The following MROH2A variants were observed in gnomAD, a reference collection of about 807,000 sequenced individuals.
The protein encoded by MROH2A is maestro heat-like repeat-containing protein family member 2A.
A neutral mutation model predicts 200.4 loss-of-function variants in MROH2A; 174 were observed. The observed-to-expected ratio is 0.87, with a 90% confidence interval of 0.77 to 0.98. The LOEUF (loss-of-function observed/expected upper bound fraction) is 0.98, where lower values mean the gene tolerates loss of function less well. MROH2A is among the 50% of genes least tolerant of loss of function. The pLI is 0.00. For missense variants in MROH2A, 2,045 were observed against 2,139.6 expected (o/e 0.96, Z 0.87); for synonymous variants, 829 against 840.4 (o/e 0.99, Z 0.23).
intron 26 of MROH2A, among the ~76,000 whole-genome samples, 151 bp downstream of exon 26, chr2:233,814,828 A>G (rs183613854): frequency 3.0e-4 from 45 of 152,344 alleles, no homozygotes; most frequent in African/African-American, 1.0e-3. Context: ...AAAAATTTGC[A>G]AGGATAGTGC....
At chr2:233,824,290 T>A (rs1164122378) in intron 35 of MROH2A, among the ~76,000 whole-genome samples, 1 of 151,962 alleles carries the variant, frequency 6.6e-6, no homozygotes, top group Non-Finnish European at 1.5e-5. Flanking sequence ...TGCCATAGAA[T>A]TTTCTTTTCT....
chr2:233,819,616 T>A, intron 30 of MROH2A, 147 bp downstream of exon 30: 1 of 941,200 alleles, frequency 1.1e-6, no homozygotes, highest in Middle Eastern at 3.4e-4. Context: ...GGAAACAGAG[T>A]TCTAGAGCTA....
At chr2:233,780,214 G>A (rs1700884106) in intron 3 of MROH2A, among the ~76,000 whole-genome samples, 1 of 152,224 alleles carries the variant, frequency 6.6e-6, no homozygotes, top group Non-Finnish European at 1.5e-5. Flanking sequence ...TGGGGTAGAG[G>A]ATGTTGGAGG....
chr2:233,811,816 C>A, intron 23 of MROH2A, 64 bp from the exon 24 acceptor site: 1 of 1,041,512 alleles, frequency 9.6e-7, no homozygotes, highest in Non-Finnish European at 1.5e-6. Flanking sequence ...CTCATGCTAA[C>A]ACTGGGGAGT....
Position 233,789,638 on chromosome 2 carries a change from C to T in MROH2A, c.408+10C>T, listed in dbSNP as rs1701595914. 7 of 1,453,082 alleles carry T rather than the reference C, an allele frequency of 4.8e-6. No homozygotes were observed. In the African/African-American group the frequency reaches 5.7e-5, roughly 12 times the overall value. 90.0% of individuals were successfully genotyped at this position (1,453,082 alleles called of 1,614,324 possible). A position where few individuals can be genotyped will look rare whatever the true frequency, so the allele number is the denominator to read the frequency against. On this transcript the variant is annotated intron_variant, in intron 4 of 41. Coordinates refer to ENST00000389758, the MANE Select transcript of MROH2A (RefSeq NM_001394639.1). The stretch of plus-strand genomic sequence containing the variant: ...GAGGGAGATCCCAGAGGTAGGACCC[C>T]AAGCTCCATCGGTGCCTTCCCTCTG...
At chr2:233,776,172 T>G (rs1700698361), upstream of MROH2A, among the ~76,000 whole-genome samples, 1 of 152,136 alleles carries the variant, frequency 6.6e-6, no homozygotes, top group Admixed American at 6.5e-5. Context: ...CATTATGTCT[T>G]GGGCCTTTTG....
chr2:233,828,565 G>T lies in MROH2A; in HGVS notation c.4114-65G>T. 1 of 1,524,862 alleles carries T rather than the reference G, an allele frequency of 6.6e-7. No individual in the cohort carries two copies. Among genetic ancestry groups the T allele is most frequent in the African/African-American group, 1.4e-5 (1 of 72,394 alleles). 94.5% of individuals were successfully genotyped at this position (1,524,862 alleles called of 1,614,324 possible). On this transcript the variant is annotated intron_variant, in intron 35 of 41. Transcript: ENST00000389758. The surrounding 1 kb of genome is among the most constrained non-coding windows in gnomAD (Gnocchi z 4.6). ...CAATCTGCATTACCTCTCCTCCCAC[G>T]TCCCACCTTGCTGCTGAGAAATGAG...
intron 5 of MROH2A, among the ~76,000 whole-genome samples, chr2:233,790,996 CTG>C (rs1701726201): frequency 1.3e-5 from 2 of 152,196 alleles, no homozygotes; most frequent in Non-Finnish European, 2.9e-5. Flanking sequence ...AGGAGGATGT[CTG>C]TGTGAAGCAT....
At position 233,828,179 on chromosome 2, in the gene MROH2A, A is replaced by G. The variant is rs573076628; in HGVS notation, c.4114-451A>G. ...AGGCCTCTTTCAAACATACTCAGGTACTTGCATGCACACATGTACACACAT... is the reference window on the plus strand; with the variant it reads ...AGGCCTCTTTCAAACATACTCAGGTGCTTGCATGCACACATGTACACACAT... On this transcript the variant is annotated intron_variant, in intron 35 of 41. Coordinates refer to ENST00000389758, the MANE Select transcript of MROH2A (RefSeq NM_001394639.1). This position sits in a 1 kb window ranked among gnomAD's most constrained non-coding sequence, Gnocchi z 4.6. Among the ~76,000 whole-genome samples, 9 of 152,294 alleles carry G rather than the reference A, an allele frequency of 5.9e-5. No homozygotes were observed. Among genetic ancestry groups the G allele is most frequent in the African/African-American group, 1.9e-4 (8 of 41,560 alleles).
intron 5 of MROH2A, among the ~76,000 whole-genome samples, chr2:233,790,979 G>A (rs1701723759): frequency 6.6e-6 from 1 of 152,240 alleles, no homozygotes. Flanking sequence ...AAGACCTGAA[G>A]GCAGAGAGGA....
Position 233,822,992 on chromosome 2 carries a change from CCTGGAGGGTGTGAGCCTG to C in MROH2A, c.3983_4000del (p.Glu1328_Leu1333del), listed in dbSNP as rs1169324381. 2 of 1,550,394 alleles carry C rather than the reference CCTGGAGGGTGTGAGCCTG, an allele frequency of 1.3e-6. No homozygotes were observed. Among genetic ancestry groups the C allele is most frequent in the Non-Finnish European group, 1.7e-6 (2 of 1,146,990 alleles). On this transcript the variant is annotated inframe_deletion, in exon 34 of 42. Coordinates refer to ENST00000389758, the MANE Select transcript of MROH2A (RefSeq NM_001394639.1). ...ACCTCCTGCAGGACGGCGGGACATT[CCTGGAGGGTGTGAGCCTG>C]CTGGCCAGGTGGGCCCTGGCTCCCA...
At position 233,822,212 on chromosome 2, in the gene MROH2A, C is replaced by T. The variant is rs752938628; in HGVS notation, c.3601C>T (p.Arg1201Trp). Residue 1201 changes from arginine to tryptophan, a missense_variant, in exon 32 of 42, where the codon CGG (arginine) becomes TGG (tryptophan). Around this residue, in one of 3 missense-constraint regions of MROH2A, gnomAD observed 1,201 missense variants for 1,311.3 expected, o/e 0.92. Transcript: ENST00000389758. The stretch of plus-strand genomic sequence containing the variant: ...CAGCCTGATGGGCCGGCTGCAGTCA[C>T]GGCTCAGCCCCAGAATCAGTGCCAC... Reference protein sequence around the residue: ...LHSLMGRLQSRLSPRISATSK... With the variant: ...LHSLMGRLQSWLSPRISATSK... 168 of 1,548,430 alleles carry T rather than the reference C, an allele frequency of 1.1e-4. No homozygotes were observed. Among genetic ancestry groups the T allele is most frequent in the Admixed American group, 4.9e-4 (25 of 50,988 alleles).
Position 233,832,566 on chromosome 2 carries a change from G to T in MROH2A, c.4838-13G>T. The T allele has an allele frequency of 6.5e-7, 1 of 1,539,008 alleles. No individual in the cohort carries two copies. The highest frequency in any genetic ancestry group is 8.8e-7 in the Non-Finnish European group (1 of 1,136,478). On this transcript the variant is annotated splice_polypyrimidine_tract_variant and intron_variant, in intron 40 of 41. Transcript: ENST00000389758. ...TACTCGCGTGATGAGCATTTCTTTG[G>T]CTATTGTTTTAGGAATTATTATGAA...
In MROH2A at chr2:233,833,391, G is replaced by A. The variant is rs1015805320; in HGVS notation, c.*132G>A. Reference sequence around the variant, plus strand: ...AACTAGTATCCTTTTGTTTCCTTCCGTTGAAATAAACCTCCACTGTCGTTG... The same window carrying A: ...AACTAGTATCCTTTTGTTTCCTTCCATTGAAATAAACCTCCACTGTCGTTG... On this transcript the variant is annotated 3_prime_UTR_variant, in exon 42 of 42. Coordinates refer to ENST00000389758, the MANE Select transcript of MROH2A (RefSeq NM_001394639.1). 7.6e-6 allele frequency: 8 copies of A among 1,055,626 alleles called. No homozygotes were observed. The African/African-American group carries it at 8.2e-5, about 11-fold the overall frequency. The allele number at this position is 1,055,626 out of a possible 1,614,324, so 65.4% of individuals were successfully genotyped here.
intron 31 of MROH2A, among the ~76,000 whole-genome samples, chr2:233,821,401 T>A (rs200841261): frequency 1.5e-5 from 2 of 137,210 alleles, no homozygotes; most frequent in East Asian, 2.0e-4. Flanking sequence ...CCCAGGCACA[T>A]CTCCCTTCAG....
At chr2:233,812,052 T>A in intron 24 of MROH2A, 93 bp downstream of exon 24, 1 of 862,782 alleles carries the variant, frequency 1.2e-6, no homozygotes, top group Non-Finnish European at 1.9e-6. Context: ...TGCCTCCTTT[T>A]TCCTCTCCTC....
In MROH2A at chr2:233,831,557, G is replaced by C. The variant is rs770673678; in HGVS notation, c.4734+17G>C. 6.5e-7 allele frequency: 1 copy of C among 1,547,540 alleles called. No individual in the cohort carries two copies. Among genetic ancestry groups the C allele is most frequent in the Non-Finnish European group, 8.7e-7 (1 of 1,145,572 alleles). The stretch of plus-strand genomic sequence containing the variant: ...TCCATCCTGGTGAGGAAGCCAAAGG[G>C]GGAACCAGCCCGTCCCAGGTGGCCA... On this transcript the variant is annotated intron_variant, in intron 39 of 41. Coordinates refer to ENST00000389758, the MANE Select transcript of MROH2A (RefSeq NM_001394639.1).
At chr2:233,802,717 G>C (rs28900435) in intron 15 of MROH2A, among the ~76,000 whole-genome samples, 12,386 of 152,172 alleles carry the variant, frequency 0.081, 953 homozygotes, top group African/African-American at 0.2. Flanking sequence ...GGTCCACTCA[G>C]AGTGGGCACT....
chr2:233,822,109 C>T lies in MROH2A; in HGVS notation c.3513-15C>T, dbSNP rs775145953. On this transcript the variant is annotated splice_polypyrimidine_tract_variant and intron_variant, in intron 31 of 41. Coordinates refer to ENST00000389758, the MANE Select transcript of MROH2A (RefSeq NM_001394639.1). ...GCCAGGAAACTCACAGTCCTTGTGCCCTGACTTTGGTTAGCCACCTGGCAG... is the reference window on the plus strand; with the variant it reads ...GCCAGGAAACTCACAGTCCTTGTGCTCTGACTTTGGTTAGCCACCTGGCAG... The T allele has an allele frequency of 3.0e-5, 47 of 1,545,950 alleles. No homozygotes were observed. Among genetic ancestry groups the T allele is most frequent in the Non-Finnish European group, 3.8e-5 (44 of 1,144,400 alleles).
Sources: gnomAD v4.1 joint callset for allele counts (sites outside exome capture counted in the v4.1 genomes callset) on GRCh38, gnomAD v4.1.1 for gene constraint, gnomAD v4.1.1 regional missense constraint, Gnocchi (gnomAD v3.1) non-coding constraint, MANE v1.5 for transcripts, NCBI Gene and HGNC (gene_info 2026-07-23, HGNC 2026-07-21) for gene names.